Variants in LRRC1 observed in about 807,000 individuals in gnomAD.
The protein encoded by LRRC1 is leucine-rich repeat-containing protein 1.
LRRC1 carries 28 observed loss-of-function variants against 69.9 expected under a neutral mutation model. The observed-to-expected ratio is 0.40, with a 90% CI of 0.30 to 0.55. The LOEUF is 0.55. Among genes scored for constraint, LRRC1 ranks in the 20% least tolerant of loss-of-function variants. The probability of loss-of-function intolerance (pLI) is 0.47; values close to 1 mark genes in which losing one functional copy is unlikely to be tolerated. For missense variants in LRRC1, 498 were observed against 609.0 expected (o/e 0.82, Z 1.92); for synonymous variants, 236 against 240.2 (o/e 0.98, Z 0.16).
chr6:53,830,269 C>T (rs745974554), intron 1 of LRRC1, among the ~76,000 whole-genome samples: 6 of 152,202 alleles, frequency 3.9e-5, no homozygotes, highest in Non-Finnish European at 5.9e-5. Flanking sequence ...AAAGAAGTGG[C>T]TCTGAAGGAG....
At chr6:53,890,190 G>A (rs1211600176) in intron 4 of LRRC1, among the ~76,000 whole-genome samples, 1 of 152,110 alleles carries the variant, frequency 6.6e-6, no homozygotes, top group Non-Finnish European at 1.5e-5. Context: ...CCTCAAATAT[G>A]TTAGCCTAAA....
At chr6:53,830,844 A>G (rs990017767) in intron 1 of LRRC1, among the ~76,000 whole-genome samples, 8 of 151,306 alleles carry the variant, frequency 5.3e-5, no homozygotes, top group African/African-American at 1.9e-4. Flanking sequence ...TAATGCCATT[A>G]TTGCAATTAA....
chr6:53,854,871 A>G (rs1766260340), intron 2 of LRRC1, among the ~76,000 whole-genome samples: 1 of 152,328 alleles, frequency 6.6e-6, no homozygotes, highest in Non-Finnish European at 1.5e-5. Flanking sequence ...CATTGTTTGC[A>G]CTTAAGCACA....
In LRRC1 at chr6:53,889,803, C is replaced by T. The variant is rs150090943; in HGVS notation, c.447-6695C>T. On this transcript the variant is annotated intron_variant, in intron 4 of 13. Coordinates refer to ENST00000370888, the MANE Select transcript of LRRC1 (RefSeq NM_018214.5). Reference sequence around the variant, plus strand: ...TTTCATAGTTTGTGAATTATATCTCCGTAAAAAGAATGGACCTTAGGCAAA... The same window carrying T: ...TTTCATAGTTTGTGAATTATATCTCTGTAAAAAGAATGGACCTTAGGCAAA... Among the ~76,000 whole-genome samples the T allele has an allele frequency of 2.0e-3, 298 of 152,178 alleles. 1 individual carries two copies. The highest frequency in any genetic ancestry group is 6.5e-3 in the African/African-American group (270 of 41,488).
intron 2 of LRRC1, among the ~76,000 whole-genome samples, chr6:53,845,181 G>A (rs1334283639): frequency 5.9e-5 from 9 of 152,194 alleles, no homozygotes. Flanking sequence ...TCCAGCCTAG[G>A]CGACAGAGCA....
At chr6:53,871,106 C>T (rs997125026) in intron 2 of LRRC1, among the ~76,000 whole-genome samples, 1 of 152,158 alleles carries the variant, frequency 6.6e-6, no homozygotes, top group African/African-American at 2.4e-5. Context: ...CATGGGAGTG[C>T]AGATATATCT....
chr6:53,868,245 G>T (rs1766772512), intron 2 of LRRC1, among the ~76,000 whole-genome samples: 1 of 144,988 alleles, frequency 6.9e-6, no homozygotes. Context: ...TTTTTGAGAC[G>T]GAGTTTCACT....
At chr6:53,902,991 C>T (rs1223353773) in intron 9 of LRRC1, among the ~76,000 whole-genome samples, 1 of 152,140 alleles carries the variant, frequency 6.6e-6, no homozygotes, top group East Asian at 1.9e-4. Context: ...AAATGCCTCA[C>T]AGATGTCTCC....
intron 2 of LRRC1, 87 bp downstream of exon 2, chr6:53,842,314 C>G (rs557593537): frequency 3.6e-6 from 3 of 843,622 alleles, no homozygotes; most frequent in African/African-American, 3.4e-5. Context: ...TGAGAACATG[C>G]GGTGTTTGGT....
At chr6:53,825,406 A>G (rs1454477338) in intron 1 of LRRC1, among the ~76,000 whole-genome samples, 1 of 152,248 alleles carries the variant, frequency 6.6e-6, no homozygotes, top group Admixed American at 6.5e-5. Context: ...TGCTAGACCA[A>G]GGAGACTGGG....
chr6:53,852,627 C>T (rs1766175205), intron 2 of LRRC1, among the ~76,000 whole-genome samples: 2 of 152,072 alleles, frequency 1.3e-5, no homozygotes, highest in Non-Finnish European at 1.5e-5. Context: ...GATAAGGAAC[C>T]CAGGAGGAGA....
intron 1 of LRRC1, among the ~76,000 whole-genome samples, chr6:53,839,046 T>C (rs545391294): frequency 6.6e-6 from 1 of 152,234 alleles, no homozygotes; most frequent in East Asian, 1.9e-4. Flanking sequence ...TAAATCTTTT[T>C]CAAGTTCTGT....
At chr6:53,880,760 C>T (rs1767264026) in intron 3 of LRRC1, among the ~76,000 whole-genome samples, 1 of 152,186 alleles carries the variant, frequency 6.6e-6, no homozygotes. Flanking sequence ...CCTTGACTAA[C>T]CTAAGGAAGT....
chr6:53,904,564 G>A, intron 10 of LRRC1, 102 bp downstream of exon 10: 1 of 743,712 alleles, frequency 1.3e-6, no homozygotes, highest in Non-Finnish European at 2.1e-6. Flanking sequence ...CGCATGTGTT[G>A]TTTTTTAAAG....
At chr6:53,897,264 C>A (rs1336965745) in intron 6 of LRRC1, 21 bp from the exon 7 acceptor site, 9 of 1,542,586 alleles carry the variant, frequency 5.8e-6, no homozygotes, top group Middle Eastern at 1.8e-4. Context: ...GTTACCGTAA[C>A]TTTTTTTTCT....
intron 1 of LRRC1, among the ~76,000 whole-genome samples, chr6:53,827,225 T>A (rs979026659): frequency 1.3e-5 from 2 of 148,472 alleles, no homozygotes; most frequent in African/African-American, 2.5e-5. Context: ...GTTGTGAGGG[T>A]GGGGAATGAA....
rs139773587 is a variant in LRRC1, at chr6:53,834,727, A to T, written c.160-7383A>T. Among the ~76,000 whole-genome samples the T allele has an allele frequency of 2.2e-4, 34 of 152,306 alleles. No individual in the cohort carries two copies. The East Asian group carries it at 5.4e-3, about 24-fold the overall frequency. ...AAGTATCTGTGCCTATAATACCAGC[A>T]CTTTGGGAGGCCGAGGCAGGCGGAT... On this transcript the variant is annotated intron_variant, in intron 1 of 13. Coordinates refer to ENST00000370888, the MANE Select transcript of LRRC1 (RefSeq NM_018214.5).
At chr6:53,884,679 T>C (rs1321510633) in intron 4 of LRRC1, among the ~76,000 whole-genome samples, 1 of 152,206 alleles carries the variant, frequency 6.6e-6, no homozygotes, top group African/African-American at 2.4e-5. Context: ...TTCTAGCCTC[T>C]GATTCCTACC....
intron 2 of LRRC1, among the ~76,000 whole-genome samples, chr6:53,868,103 T>C (rs1451583505): frequency 6.6e-6 from 1 of 152,164 alleles, no homozygotes; most frequent in East Asian, 1.9e-4. Context: ...TATATAATAA[T>C]AAGTATTTCT....
Sources: gnomAD v4.1 joint callset for allele counts (sites outside exome capture counted in the v4.1 genomes callset) on GRCh38, gnomAD v4.1.1 for gene constraint, MANE v1.5 for transcripts, NCBI Gene and HGNC (gene_info 2026-07-23, HGNC 2026-07-21) for gene names.